FBXL3: variants seen among roughly 807,000 people sequenced by gnomAD.
FBXL3 encodes the protein F-box and leucine rich repeat protein 3, also known as F-box/LRR-repeat protein 3.
FBXL3 carries 14 observed loss-of-function variants against 37.9 expected under a neutral mutation model. The observed-to-expected ratio is 0.37, with a 90% CI of 0.24 to 0.58. The LOEUF (loss-of-function observed/expected upper bound fraction) is 0.58. Ranked by LOEUF, FBXL3 falls within the 20% of genes least tolerant of loss-of-function variation. The pLI is 0.74. For missense variants in FBXL3, 327 were observed against 511.1 expected, an observed-to-expected ratio of 0.64 and a Z score of 3.47; for synonymous variants, 194 against 180.1, an observed-to-expected ratio of 1.08 and a Z score of -0.62.
At chr13:77,022,350 G>C (rs573034486) in intron 1 of FBXL3, among the ~76,000 whole-genome samples, 1 of 152,234 alleles carries the variant, frequency 6.6e-6, no homozygotes, top group African/African-American at 2.4e-5. Context: ...CTGTGGTTCT[G>C]GCCTGAGGAC....
At chr13:77,021,174 T>G (rs971136622) in intron 2 of FBXL3, among the ~76,000 whole-genome samples, 3 of 152,354 alleles carry the variant, frequency 2.0e-5, no homozygotes, top group South Asian at 2.1e-4. Flanking sequence ...GCAATTAAGC[T>G]CTACTCAATT....
intron 1 of FBXL3, among the ~76,000 whole-genome samples, chr13:77,022,465 T>C (rs966936558): frequency 2.0e-5 from 3 of 152,168 alleles, no homozygotes; most frequent in Admixed American, 2.0e-4. Flanking sequence ...GAGAATCTTA[T>C]TGTGAAATGT....
chr13:77,015,576 T>C lies in FBXL3; in HGVS notation c.476A>G (p.His159Arg). 6 of 1,513,748 alleles carry C rather than the reference T, an allele frequency of 4.0e-6. No homozygotes were observed. The highest frequency in any genetic ancestry group is 5.3e-6 in the Non-Finnish European group (6 of 1,133,860). The allele number at this position is 1,513,748 out of a possible 1,614,324, so 93.8% of individuals were successfully genotyped here. ...CACAACTGTCAGTGCAGAGATAAAGTGAGACTGAAAAGCAAAAAAAATAAA... is the reference window on the plus strand; with the variant it reads ...CACAACTGTCAGTGCAGAGATAAAGCGAGACTGAAAAGCAAAAAAAATAAA... ...RPSFMDLPKS[H>R]FISALTVVFV... is the part of the protein sequence containing the mutation. Residue 159 changes from histidine to arginine, a missense_variant, in exon 4 of 5, where the codon CAC becomes CGC. Transcript: ENST00000355619.
At position 77,007,772 on chromosome 13, in the gene FBXL3, A is replaced by G. The variant is rs775978760; in HGVS notation, c.660T>C (p.Ala220=). The part of the protein sequence containing the change: ...HVSPAGILCV[A]DQCHGLRELA... ...GTTCTCTTAAGCCGTGACACTGATC[A>G]GCCACACAAAGGATACCTTGAAAGA... The change falls in exon 5 of 5, where the codon GCT becomes GCC. Residue 220 remains alanine, a synonymous_variant. Coordinates refer to ENST00000355619, the MANE Select transcript of FBXL3 (RefSeq NM_012158.4). 5 of 1,591,272 alleles carry G rather than the reference A, an allele frequency of 3.1e-6. No individual in the cohort carries two copies. In the Admixed American group the frequency reaches 7.1e-5, roughly 22 times the overall value.
At chr13:77,016,333 A>C (rs1184058398) in intron 3 of FBXL3, 1 of 152,192 alleles carries the variant, frequency 6.6e-6, no homozygotes, top group East Asian at 1.9e-4. Flanking sequence ...AAGCATTCTC[A>C]AAGTATGCAG....
intron 4 of FBXL3, chr13:77,012,699 T>C (rs1160747437): frequency 6.6e-6 from 1 of 152,154 alleles, no homozygotes; most frequent in African/African-American, 2.4e-5. Context: ...ATGCAAAAGA[T>C]AGATAGAAAA....
chr13:77,013,323 T>C (rs1229034932), intron 4 of FBXL3: 2 of 152,150 alleles, frequency 1.3e-5, no homozygotes, highest in African/African-American at 4.8e-5. Context: ...AGACCCCTCC[T>C]TCTTGCCGGG....
intron 3 of FBXL3, 55 bp downstream of exon 3, chr13:77,018,545 T>A: frequency 3.5e-6 from 5 of 1,427,416 alleles, no homozygotes; most frequent in Admixed American, 2.6e-5. Context: ...AAAAAAAAGA[T>A]TAGACTTTCA....
intron 3 of FBXL3, chr13:77,016,540 C>CT (rs67465656): frequency 0.055 from 8,026 of 145,386 alleles, 351 homozygotes; most frequent in East Asian, 0.19. Flanking sequence ...TGAAACATTA[C>CT]TTTTTTTTTT....
chr13:77,023,896 C>G (rs1335997396), intron 1 of FBXL3, among the ~76,000 whole-genome samples: 2 of 152,224 alleles, frequency 1.3e-5, no homozygotes, highest in Non-Finnish European at 2.9e-5. Context: ...AAGAGAATGG[C>G]AGAGGCCTCT....
intron 2 of FBXL3, among the ~76,000 whole-genome samples, chr13:77,019,909 C>A (rs201651423): frequency 0.011 from 1,625 of 151,532 alleles, 24 homozygotes; most frequent in African/African-American, 0.037. Context: ...ATACTAGATA[C>A]ACCTGAATTG....
intron 1 of FBXL3, among the ~76,000 whole-genome samples, chr13:77,023,485 T>C (rs1593936689): frequency 6.6e-6 from 1 of 152,164 alleles, no homozygotes; most frequent in Non-Finnish European, 1.5e-5. Flanking sequence ...AATTTTTTTT[T>C]CTTGCAAACA....
At chr13:77,025,493 C>T (rs1487142818) in intron 1 of FBXL3, among the ~76,000 whole-genome samples, 2 of 152,044 alleles carry the variant, frequency 1.3e-5, no homozygotes, top group African/African-American at 4.8e-5. Flanking sequence ...GAGGACAAGG[C>T]GGGCGGATCG....
Position 77,021,567 on chromosome 13 carries a change from C to T in FBXL3, c.294G>A (p.Leu98=), listed in dbSNP as rs1416187230. The T allele has an allele frequency of 1.2e-6, 2 of 1,613,974 alleles. No individual in the cohort carries two copies. The highest frequency in any genetic ancestry group is 1.7e-6 in the Non-Finnish European group (2 of 1,179,948). Reference sequence around the variant, plus strand: ...AATGTCTTTTAATAATCTGTTTGATCAGCTCTGGATGGGTAGCTTTCAAAT... The same window carrying T: ...AATGTCTTTTAATAATCTGTTTGATTAGCTCTGGATGGGTAGCTTTCAAAT... The part of the protein sequence containing the change: ...TSYLKATHPE[L]IKQIIKRHSN... The change falls in exon 2 of 5, where the codon CTG becomes CTA. Residue 98 remains leucine, a synonymous_variant. Transcript: ENST00000355619.
At chr13:77,024,964 A>G (rs1232468639) in intron 1 of FBXL3, among the ~76,000 whole-genome samples, 1 of 152,204 alleles carries the variant, frequency 6.6e-6, no homozygotes, top group Non-Finnish European at 1.5e-5. Flanking sequence ...TTAAATGTCA[A>G]TTTTTCCAAG....
At position 77,006,604 on chromosome 13, in the gene FBXL3, T is replaced by TTA. The variant is rs1254804407; in HGVS notation, c.*539_*540dup. 1.2e-5 allele frequency: 2 copies of TTA among 164,908 alleles called. No homozygotes were observed. The highest frequency in any genetic ancestry group is 2.5e-5 in the Non-Finnish European group (2 of 79,126). 10.2% of individuals were successfully genotyped at this position (164,908 alleles called of 1,614,324 possible). On this transcript the variant is annotated 3_prime_UTR_variant, in exon 5 of 5. Coordinates refer to ENST00000355619, the MANE Select transcript of FBXL3 (RefSeq NM_012158.4). ...TCAGTCTTCTAAGTGTTCTGATTAC[T>TTA]TATATATACCTTTTTCTTTAAACAG...
chr13:77,023,434 G>A (rs1402560343), intron 1 of FBXL3, among the ~76,000 whole-genome samples: 1 of 152,134 alleles, frequency 6.6e-6, no homozygotes, highest in East Asian at 1.9e-4. Context: ...TAGACTCACT[G>A]AATTATTATA....
intron 1 of FBXL3, among the ~76,000 whole-genome samples, chr13:77,023,082 A>G (rs2034774030): frequency 6.6e-6 from 1 of 152,214 alleles, no homozygotes; most frequent in Non-Finnish European, 1.5e-5. Flanking sequence ...AAAGTACACA[A>G]CATGCTAAAA....
At position 77,006,701 on chromosome 13, in the gene FBXL3, G is replaced by T; in HGVS notation, c.*444C>A. The T allele has an allele frequency of 2.0e-6, 1 of 487,822 alleles. No homozygotes were observed. The highest frequency in any genetic ancestry group is 2.7e-6 in the Non-Finnish European group (1 of 374,558). 30.2% of individuals were successfully genotyped at this position (487,822 alleles called of 1,614,324 possible). ...GATATATTCATTTTTCTCACAAAATGCTCACTTTCCTGAGCTATATTAAAC... is the reference window on the plus strand; with the variant it reads ...GATATATTCATTTTTCTCACAAAATTCTCACTTTCCTGAGCTATATTAAAC... On this transcript the variant is annotated 3_prime_UTR_variant, in exon 5 of 5. Transcript: ENST00000355619.
Sources: allele counts gnomAD v4.1 joint callset (sites outside exome capture counted in the v4.1 genomes callset), GRCh38; gene constraint gnomAD v4.1.1; transcripts MANE v1.5; gene names NCBI Gene and HGNC (gene_info 2026-07-23, HGNC 2026-07-21).